RGS12: variants seen among roughly 807,000 people sequenced by gnomAD.
RGS12 encodes regulator of G-protein signaling 12.
A neutral mutation model predicts 120.1 loss-of-function variants in RGS12; 66 were observed. That is an observed-to-expected ratio of 0.55 (90% CI 0.45 to 0.67). The LOEUF (loss-of-function observed/expected upper bound fraction) is 0.67, where lower values mean the gene tolerates loss of function less well. Ranked by LOEUF, RGS12 falls within the 30% of genes least tolerant of loss-of-function variation. The pLI, the probability that RGS12 is intolerant of heterozygous loss-of-function variation, is 0.00. For missense variants in RGS12, 1,859 were observed against 1,957.7 expected (o/e 0.95, Z 0.95); for synonymous variants, 827 against 804.7 (o/e 1.03, Z -0.47).
chr4:3,362,858 T>G (rs957339706), intron 3 of RGS12, among the ~76,000 whole-genome samples: 4 of 131,066 alleles, frequency 3.1e-5, no homozygotes, highest in African/African-American at 1.2e-4. Context: ...TGAGGGTGTG[T>G]GTGTGCGAGG....
chr4:3,428,245 G>A, intron 15 of RGS12, 76 bp downstream of exon 15: 1 of 1,318,254 alleles, frequency 7.6e-7, no homozygotes, highest in South Asian at 1.2e-5. Context: ...CAGTGCCCTG[G>A]TGCTTCCTTA....
intron 3 of RGS12, among the ~76,000 whole-genome samples, chr4:3,344,708 G>A (rs929516071): frequency 6.6e-6 from 1 of 152,240 alleles, no homozygotes; most frequent in Non-Finnish European, 1.5e-5. Flanking sequence ...ATCACTGGGT[G>A]TCCCCAGTGG....
intron 4 of RGS12, among the ~76,000 whole-genome samples, chr4:3,405,002 T>G (rs1169300469): frequency 2.0e-5 from 3 of 152,016 alleles, no homozygotes; most frequent in Admixed American, 2.0e-4. Context: ...GGACTGAGCT[T>G]CCAAAAAAGA....
chr4:3,396,143 T>C (rs1223080791), intron 4 of RGS12, among the ~76,000 whole-genome samples: 1 of 152,204 alleles, frequency 6.6e-6, no homozygotes, highest in Non-Finnish European at 1.5e-5. Context: ...GTTGGTTGAA[T>C]CTGTGGATGC....
At chr4:3,408,480 TG>T (rs1721389857) in intron 4 of RGS12, among the ~76,000 whole-genome samples, 1 of 152,248 alleles carries the variant, frequency 6.6e-6, no homozygotes, top group Non-Finnish European at 1.5e-5. Flanking sequence ...GCATGAATTT[TG>T]TCCAGATGGA....
rs182343715 is a variant in RGS12, at chr4:3,431,961, C to T, written c.4114+1006C>T. The T allele has an allele frequency of 2.7e-5, 27 of 985,470 alleles. No homozygotes were observed. In the East Asian group the frequency reaches 1.7e-3, roughly 62 times the overall value. 61.0% of individuals were successfully genotyped at this position (985,470 alleles called of 1,614,324 possible). A position where few individuals can be genotyped will look rare whatever the true frequency, so the allele number is the denominator to read the frequency against. On this transcript the variant is annotated intron_variant, in intron 17 of 17. Coordinates refer to ENST00000336727, the MANE Select transcript of RGS12 (RefSeq NM_001394154.1). ...TACATATCTGGGCCTTTGGAGGCCA[C>T]GTGTGGCATGGGAGGGGCTACCTGG...
Position 3,417,053 on chromosome 4 carries a change from C to A in RGS12, c.2568C>A (p.Ser856Arg). The change falls in exon 8 of 18, where the codon AGC becomes AGA. Residue 856 changes from serine (S) to arginine (R), a missense_variant. Ser to Arg is a moderately radical substitution (Grantham distance 110, BLOSUM62 -1). Coordinates refer to ENST00000336727, the MANE Select transcript of RGS12 (RefSeq NM_001394154.1). The stretch of plus-strand genomic sequence containing the variant: ...CCAGCAGCCCGGCTTCCAAGCACAG[C>A]CTCGGTTCAGACCACTCCAGTGTGT... ...QVPSSPASKHSLGSDHSSVST... is the reference protein window; with the variant it reads ...QVPSSPASKHRLGSDHSSVST... The A allele has an allele frequency of 6.2e-7, 1 of 1,612,846 alleles. No individual in the cohort carries two copies.
At chr4:3,414,517 G>A (rs1469491196) in intron 5 of RGS12, 9 of 601,474 alleles carry the variant, frequency 1.5e-5, no homozygotes, top group Non-Finnish European at 2.6e-5. Flanking sequence ...TCCTATCTGT[G>A]TTAAGAAGCC....
intron 4 of RGS12, among the ~76,000 whole-genome samples, chr4:3,386,725 C>G (rs1284595103): frequency 3.3e-5 from 5 of 152,190 alleles, no homozygotes; most frequent in Non-Finnish European, 1.5e-5. Context: ...CTGCCTGTGT[C>G]TGACAAGTTA....
chr4:3,391,781 G>A (rs924570644), intron 4 of RGS12, among the ~76,000 whole-genome samples: 2 of 145,022 alleles, frequency 1.4e-5, no homozygotes, highest in African/African-American at 5.7e-5. Context: ...CACCAGAGAG[G>A]GCTGCCTGGG....
intron 2 of RGS12, among the ~76,000 whole-genome samples, chr4:3,328,254 G>A (rs1409059401): frequency 2.0e-5 from 3 of 152,194 alleles, no homozygotes; most frequent in Non-Finnish European, 4.4e-5. Context: ...AGGGGTGGGA[G>A]GAGGGGTGAG....
chr4:3,291,417 G>C (rs1343695344), upstream of RGS12, among the ~76,000 whole-genome samples: 1 of 148,782 alleles, frequency 6.7e-6, no homozygotes, highest in Non-Finnish European at 1.5e-5. Flanking sequence ...CACAATCTCG[G>C]CTCACAGCAA....
rs1716336008 is a variant in RGS12, at chr4:3,366,601, G to A, written c.1999-19815G>A. Among the ~76,000 whole-genome samples, 1 of 152,200 alleles carries A rather than the reference G, an allele frequency of 6.6e-6. No homozygotes were observed. Among genetic ancestry groups the A allele is most frequent in the Non-Finnish European group, 1.5e-5 (1 of 68,036 alleles). ...GGCCGTCCCGGTTCCTGGGTGTTCC[G>A]CGCCCGTCTCCTTTCTGCTGTTGAG... On this transcript the variant is annotated intron_variant, in intron 3 of 17. Coordinates refer to ENST00000336727, the MANE Select transcript of RGS12 (RefSeq NM_001394154.1). The surrounding 1 kb of genome is among the most constrained non-coding windows in gnomAD (Gnocchi z 4.0).
chr4:3,381,187 C>G (rs952710880), intron 3 of RGS12, among the ~76,000 whole-genome samples: 1 of 152,218 alleles, frequency 6.6e-6, no homozygotes, highest in Non-Finnish European at 1.5e-5. Flanking sequence ...TTCCTCATCT[C>G]TGTCTGAGAC....
At position 3,317,679 on chromosome 4, in the gene RGS12, G is replaced by T; in HGVS notation, c.1509G>T (p.Gly503=). ...DRFWDLNKHL[G]PASPVEVPPA... is the part of the protein sequence containing the mutation. ...TCTGGGACCTAAACAAGCACCTAGG[G>T]CCAGCCTCTCCTGTGGAGGTGCCCC... Residue 503 remains glycine, a synonymous_variant, in exon 2 of 18, where the codon GGG becomes GGT. Coordinates refer to ENST00000336727, the MANE Select transcript of RGS12 (RefSeq NM_001394154.1). The T allele has an allele frequency of 6.2e-7, 1 of 1,609,664 alleles. No individual in the cohort carries two copies. Among genetic ancestry groups the T allele is most frequent in the Non-Finnish European group, 8.5e-7 (1 of 1,177,288 alleles).
At position 3,439,601 on chromosome 4, in the gene RGS12, A is replaced by G. The variant is rs1432195797; in HGVS notation, c.4261A>G (p.Thr1421Ala). The G allele has an allele frequency of 1.2e-6, 2 of 1,608,708 alleles. No individual in the cohort carries two copies. The highest frequency in any genetic ancestry group is 8.5e-7 in the Non-Finnish European group (1 of 1,177,626). ...GTCGCAGGCCAGTGGTGGGCCTCCT[A>G]CATCAGACCTCCCTGGCTTGGGCCC... ...GRSQASGGPP[T>A]SDLPGLGPVP... The change falls in exon 18 of 18, where the codon ACA (threonine) becomes GCA (alanine). Residue 1421 changes from threonine (T) to alanine (A), a missense_variant. Physicochemically the swap from Thr to Ala is moderately conservative, Grantham distance 58. Around this residue, in one of 3 missense-constraint regions of RGS12, gnomAD observed 517 missense variants for 488.5 expected, o/e 1.06. Transcript: ENST00000336727.
chr4:3,305,554 C>T (rs891548574), intron 1 of RGS12, among the ~76,000 whole-genome samples: 1 of 152,236 alleles, frequency 6.6e-6, no homozygotes, highest in Non-Finnish European at 1.5e-5. Flanking sequence ...GTCAGCTCAT[C>T]CAACCACAGC....
rs1716169784 is a variant in RGS12 at position 3,365,164 on chromosome 4, G to A, written c.1999-21252G>A. On this transcript the variant is annotated intron_variant, in intron 3 of 17. Coordinates refer to ENST00000336727, the MANE Select transcript of RGS12 (RefSeq NM_001394154.1). This position sits in a 1 kb window ranked among gnomAD's most constrained non-coding sequence, Gnocchi z 4.0. ...TGGACTCAGGGACTGGGCAGAGAGG[G>A]GATGTTCAGGGCCAGGGATGGCAGA... is the stretch of plus-strand genomic sequence containing the variant. Among the ~76,000 whole-genome samples the A allele has an allele frequency of 6.6e-6, 1 of 152,182 alleles. No individual in the cohort carries two copies. Among genetic ancestry groups the A allele is most frequent in the African/African-American group, 2.4e-5 (1 of 41,442 alleles).
chr4:3,327,537 G>A (rs532233068), intron 2 of RGS12, among the ~76,000 whole-genome samples: 5 of 152,070 alleles, frequency 3.3e-5, no homozygotes, highest in Non-Finnish European at 1.5e-5. Flanking sequence ...ACCTGACAAG[G>A]GTCTAATATC....
Sources: gnomAD v4.1 joint callset for allele counts (sites outside exome capture counted in the v4.1 genomes callset) on GRCh38, gnomAD v4.1.1 for gene constraint, gnomAD v4.1.1 regional missense constraint, Gnocchi (gnomAD v3.1) non-coding constraint, MANE v1.5 for transcripts, NCBI Gene and HGNC (gene_info 2026-07-23, HGNC 2026-07-21) for gene names.